The following CCDC88C variants were observed in gnomAD, a reference collection of about 807,000 sequenced individuals.
CCDC88C encodes the protein coiled-coil and HOOK domain protein 88C.
A neutral mutation model predicts 198.8 loss-of-function variants in CCDC88C; 131 were observed. That is an observed-to-expected ratio of 0.66 (90% CI 0.57 to 0.76). CCDC88C has a LOEUF of 0.76. CCDC88C is among the 30% of genes least tolerant of loss of function. CCDC88C has a pLI of 0.00. For synonymous variants in CCDC88C, 1,166 were observed against 1,114.7 expected (o/e 1.05, Z -0.92); for missense variants, 2,553 against 2,631.6 (o/e 0.97, Z 0.65).
intron 23 of CCDC88C, among the ~76,000 whole-genome samples, chr14:91,293,626 C>A (rs559060535): frequency 4.0e-5 from 6 of 151,644 alleles, no homozygotes; most frequent in African/African-American, 1.5e-4. Flanking sequence ...TCCCCCAGAC[C>A]CCCTGGGGTA....
chr14:91,291,220 C>T (rs1379662695), intron 23 of CCDC88C, 136 bp from the exon 24 acceptor site: 14 of 628,588 alleles, frequency 2.2e-5, no homozygotes, highest in East Asian at 5.5e-5. Flanking sequence ...TGCTCACCAC[C>T]GTCATGGTCA....
rs74735597 is a variant in CCDC88C at position 91,371,559 on chromosome 14, C to A, written c.271-11848G>T. 6.6e-6 allele frequency among the ~76,000 whole-genome samples: 1 copy of A among 152,102 alleles called. No individual in the cohort carries two copies. Among genetic ancestry groups the A allele is most frequent in the Non-Finnish European group, 1.5e-5 (1 of 68,002 alleles). On this transcript the variant is annotated intron_variant, in intron 3 of 29. Transcript: ENST00000389857. This position sits in a 1 kb window ranked among gnomAD's most constrained non-coding sequence, Gnocchi z 4.2. ...TGGTCCCGAGGAGCCTGTGGAGTCA[C>A]AGACTGGGACCAAGACTGCCTCCCA...
chr14:91,410,950 CG>C (rs1217702513), intron 2 of CCDC88C, among the ~76,000 whole-genome samples: 1 of 152,162 alleles, frequency 6.6e-6, no homozygotes. Context: ...CACTCAGGGT[CG>C]GGAACCTGGG....
chr14:91,369,818 C>G (rs971554172), intron 3 of CCDC88C, among the ~76,000 whole-genome samples: 23 of 152,272 alleles, frequency 1.5e-4, no homozygotes, highest in Admixed American at 1.4e-3. Context: ...CCTGGGATCC[C>G]TAGGGCCTGA....
intron 3 of CCDC88C, among the ~76,000 whole-genome samples, chr14:91,373,767 A>G (rs561248514): frequency 6.6e-6 from 1 of 152,222 alleles, no homozygotes; most frequent in Non-Finnish European, 1.5e-5. Context: ...AAATCTCAAA[A>G]GATGTTATCA....
intron 23 of CCDC88C, among the ~76,000 whole-genome samples, chr14:91,291,506 A>G (rs950246076): frequency 6.6e-5 from 10 of 152,234 alleles, no homozygotes; most frequent in Admixed American, 4.6e-4. Flanking sequence ...GTGAGGTTGA[A>G]AAAGTCAGCT....
intron 25 of CCDC88C, among the ~76,000 whole-genome samples, chr14:91,287,461 G>A (rs996293434): frequency 1.3e-5 from 2 of 152,030 alleles, no homozygotes; most frequent in Non-Finnish European, 1.5e-5. Context: ...AGTCGACTGA[G>A]CAGCTGAGAC....
In CCDC88C at chr14:91,339,775, A is replaced by C; in HGVS notation, c.624+109T>G. 7.7e-7 allele frequency: 1 copy of C among 1,294,080 alleles called. No homozygotes were observed. The highest frequency in any genetic ancestry group is 1.0e-6 in the Non-Finnish European group (1 of 966,494). 80.2% of individuals were successfully genotyped at this position (1,294,080 alleles called of 1,614,324 possible). A position where few individuals can be genotyped will look rare whatever the true frequency, so the allele number is the denominator to read the frequency against. The stretch of plus-strand genomic sequence containing the variant: ...AAAGCACGCACGTCCCACCCCCACC[A>C]GAACCTCAGCAGCAGGACCGAGGCG... On this transcript the variant is annotated intron_variant, in intron 7 of 29. Coordinates refer to ENST00000389857, the MANE Select transcript of CCDC88C (RefSeq NM_001080414.4). This position sits in a 1 kb window ranked among gnomAD's most constrained non-coding sequence, Gnocchi z 5.8.
At chr14:91,348,288 G>A (rs1362367465) in intron 4 of CCDC88C, among the ~76,000 whole-genome samples, 2 of 147,090 alleles carry the variant, frequency 1.4e-5, no homozygotes, top group East Asian at 4.0e-4. Context: ...TTACAGGTGT[G>A]AGCCACTGCG....
intron 22 of CCDC88C, among the ~76,000 whole-genome samples, chr14:91,295,714 C>T (rs966659481): frequency 1.3e-5 from 2 of 152,178 alleles, no homozygotes; most frequent in South Asian, 2.1e-4. Flanking sequence ...AGCACAGCCA[C>T]GCCCTCATCA....
chr14:91,386,103 T>C (rs1362252525), intron 3 of CCDC88C, among the ~76,000 whole-genome samples: 1 of 152,108 alleles, frequency 6.6e-6, no homozygotes, highest in Non-Finnish European at 1.5e-5. Flanking sequence ...ACACTCTTTA[T>C]AGATCCTGTG....
rs1567085444 is a variant in CCDC88C at position 91,338,849 on chromosome 14, A to G, written c.810-279T>C. 1 of 500,206 alleles carries G rather than the reference A, an allele frequency of 2.0e-6. No homozygotes were observed. The highest frequency in any genetic ancestry group is 3.7e-5 in the East Asian group (1 of 27,332). The allele number at this position is 500,206 out of a possible 1,614,324, so 31.0% of individuals were successfully genotyped here. A position where few individuals can be genotyped will look rare whatever the true frequency, so the allele number is the denominator to read the frequency against. ...GTAAGGAGACCCCAGCGGCAGCTGT[A>G]CCACCCCACAGCCAGGCTCCACAGG... On this transcript the variant is annotated intron_variant, in intron 8 of 29. Transcript: ENST00000389857. This position sits in a 1 kb window ranked among gnomAD's most constrained non-coding sequence, Gnocchi z 4.8.
At chr14:91,373,612 C>A (rs116896981) in intron 3 of CCDC88C, among the ~76,000 whole-genome samples, 1,620 of 152,270 alleles carry the variant, frequency 0.011, 15 homozygotes, top group Middle Eastern at 0.017. Context: ...ATCTAGAGAG[C>A]AAGAAACTCT....
chr14:91,385,806 A>AC (rs907865326), intron 3 of CCDC88C, among the ~76,000 whole-genome samples: 1 of 151,930 alleles, frequency 6.6e-6, no homozygotes, highest in Non-Finnish European at 1.5e-5. Context: ...TCTTTAAAAA[A>AC]AAAAATAATT....
chr14:91,323,623 C>T lies in CCDC88C; in HGVS notation c.1342+1156G>A, dbSNP rs144063559. ...AGTTGACAACACTAAGAATAAATCACGGTATTAACTTTAAAGAGCTCACAC... is the reference window on the plus strand; with the variant it reads ...AGTTGACAACACTAAGAATAAATCATGGTATTAACTTTAAAGAGCTCACAC... On this transcript the variant is annotated intron_variant, in intron 12 of 29. Coordinates refer to ENST00000389857, the MANE Select transcript of CCDC88C (RefSeq NM_001080414.4). Among the ~76,000 whole-genome samples the T allele has an allele frequency of 3.7e-3, 568 of 152,282 alleles. 1 individual carries two copies. Among genetic ancestry groups the T allele is most frequent in the Middle Eastern group, 0.02 (6 of 294 alleles).
At chr14:91,341,201 C>T (rs1358090295) in intron 6 of CCDC88C, among the ~76,000 whole-genome samples, 1 of 152,144 alleles carries the variant, frequency 6.6e-6, no homozygotes, top group East Asian at 1.9e-4. Flanking sequence ...ACCCTAAGGG[C>T]ACAGGATTGA....
At chr14:91,286,202 A>G (rs967282105) in intron 25 of CCDC88C, among the ~76,000 whole-genome samples, 8 of 152,134 alleles carry the variant, frequency 5.3e-5, no homozygotes, top group Non-Finnish European at 1.2e-4. Flanking sequence ...TCTCTTACTC[A>G]TCCATTTTAA....
In CCDC88C at chr14:91,338,160, T is replaced by A; in HGVS notation, c.895A>T (p.Ile299Phe). The A allele has an allele frequency of 6.2e-7, 1 of 1,613,580 alleles. No individual in the cohort carries two copies. The highest frequency in any genetic ancestry group is 1.1e-5 in the South Asian group (1 of 91,076). Residue 299 changes from isoleucine to phenylalanine, a missense_variant, in exon 10 of 30, where the codon ATC (isoleucine) becomes TTC (phenylalanine). Ile to Phe is a conservative substitution (Grantham distance 21). Transcript: ENST00000389857. This position sits in a 1 kb window ranked among gnomAD's most constrained non-coding sequence, Gnocchi z 4.8. ...LELQKVKQEN[I>F]QLAADARSAR... ...GACCGGGCGTCTGCCGCTAGCTGGATGTTCTGCAAGGTGGACAAAGGCAGG... is the reference window on the plus strand; with the variant it reads ...GACCGGGCGTCTGCCGCTAGCTGGAAGTTCTGCAAGGTGGACAAAGGCAGG...
At chr14:91,375,008 T>C (rs934334583) in intron 3 of CCDC88C, among the ~76,000 whole-genome samples, 1 of 152,184 alleles carries the variant, frequency 6.6e-6, no homozygotes, top group Non-Finnish European at 1.5e-5. Flanking sequence ...GTATACAACA[T>C]GCCGAGGGGA....
Sources: gnomAD v4.1 joint callset for allele counts (sites outside exome capture counted in the v4.1 genomes callset) on GRCh38, gnomAD v4.1.1 for gene constraint, Gnocchi (gnomAD v3.1) non-coding constraint, MANE v1.5 for transcripts, NCBI Gene and HGNC (gene_info 2026-07-23, HGNC 2026-07-21) for gene names.